The following FOXP2 variants were observed in gnomAD, a reference collection of about 807,000 sequenced individuals.
FOXP2 encodes the protein forkhead box protein P2.
In FOXP2, 12 loss-of-function variants were observed where a neutral mutation model predicts 115.8. The ratio of observed to expected loss-of-function variants is 0.10; its 90% CI spans 0.07 to 0.17. The LOEUF (loss-of-function observed/expected upper bound fraction) is 0.17. Ranked by LOEUF, FOXP2 falls within the 10% of genes least tolerant of loss-of-function variation. The probability of loss-of-function intolerance (pLI) is 1.00; values close to 1 mark genes in which losing one functional copy is unlikely to be tolerated. For missense variants in FOXP2, 629 were observed against 843.5 expected, an observed-to-expected ratio of 0.75 and a Z score of 3.15; for synonymous variants, 328 against 297.7, an observed-to-expected ratio of 1.10 and a Z score of -1.05.
intron 2 of FOXP2, among the ~76,000 whole-genome samples, chr7:114,401,082 G>A (rs1040596992): frequency 2.0e-5 from 3 of 152,074 alleles, no homozygotes; most frequent in Non-Finnish European, 4.4e-5. Context: ...AGAGGGTGAG[G>A]AACGTGATTA....
At chr7:114,686,305 T>G (rs1468093682) in intron 16 of FOXP2, among the ~76,000 whole-genome samples, 1 of 152,046 alleles carries the variant, frequency 6.6e-6, no homozygotes, top group Non-Finnish European at 1.5e-5. Context: ...CCCGAGTAAC[T>G]GGGATTACAG....
At chr7:114,087,828 G>A (rs1322624315) in exon 1 of FOXP2, 1 of 152,072 alleles carries the variant, frequency 6.6e-6, no homozygotes, top group Non-Finnish European at 1.5e-5. Flanking sequence ...TCAGACTCTG[G>A]AATCTCTTAG....
At chr7:114,158,756 C>A (rs1386925422), upstream of FOXP2, among the ~76,000 whole-genome samples, 3 of 152,046 alleles carry the variant, frequency 2.0e-5, no homozygotes, top group Non-Finnish European at 4.4e-5. Flanking sequence ...AAATGAGAGA[C>A]CAGTAACTGA....
intron 1 of FOXP2, among the ~76,000 whole-genome samples, chr7:114,154,985 C>T (rs906506360): frequency 6.6e-6 from 1 of 151,952 alleles, no homozygotes; most frequent in Admixed American, 6.6e-5. Flanking sequence ...CAATCTTGAC[C>T]CAAAGATTAT....
chr7:114,600,229 T>C (rs1056756112), intron 3 of FOXP2, among the ~76,000 whole-genome samples: 32 of 152,156 alleles, frequency 2.1e-4, no homozygotes, highest in African/African-American at 7.7e-4. Context: ...AATATTGCAA[T>C]AGTTTTGCCT....
intron 2 of FOXP2, among the ~76,000 whole-genome samples, chr7:114,476,933 A>G (rs997220142): frequency 6.6e-6 from 1 of 152,036 alleles, no homozygotes; most frequent in Non-Finnish European, 1.5e-5. Flanking sequence ...AAATAACTGA[A>G]AATCAAAACC....
chr7:114,107,119 T>C (rs1317821645), intron 1 of FOXP2, among the ~76,000 whole-genome samples: 2 of 151,982 alleles, frequency 1.3e-5, no homozygotes, highest in Non-Finnish European at 2.9e-5. Flanking sequence ...CAACAGCTGC[T>C]CTCCTGTTCT....
intron 3 of FOXP2, among the ~76,000 whole-genome samples, chr7:114,596,922 A>G (rs1802745319): frequency 6.6e-6 from 1 of 152,060 alleles, no homozygotes; most frequent in African/African-American, 2.4e-5. Flanking sequence ...CCTCAGAGGT[A>G]CTCATTAGTG....
upstream of FOXP2, chr7:114,414,473 G>A (rs1793250862): frequency 1.3e-5 from 2 of 152,526 alleles, no homozygotes; most frequent in Admixed American, 1.3e-4. Context: ...TTACTTTACT[G>A]TAAATATCTT....
At chr7:114,400,228 G>C (rs1016422282) in intron 2 of FOXP2, among the ~76,000 whole-genome samples, 3 of 151,924 alleles carry the variant, frequency 2.0e-5, no homozygotes, top group Admixed American at 2.0e-4. Flanking sequence ...GGTGGGGGAT[G>C]TTATGCAAGA....
intron 1 of FOXP2, among the ~76,000 whole-genome samples, chr7:114,116,875 C>T (rs1482131323): frequency 2.6e-5 from 4 of 152,118 alleles, no homozygotes; most frequent in East Asian, 1.9e-4. Flanking sequence ...TGCCTTTCCA[C>T]ACTACCTGCT....
Position 114,309,788 on chromosome 7 carries a change from C to T in FOXP2, c.-11+21679C>T, listed in dbSNP as rs187174935. Among the ~76,000 whole-genome samples the T allele has an allele frequency of 1.9e-3, 290 of 151,998 alleles. 1 individual carries two copies. Among genetic ancestry groups the T allele is most frequent in the African/African-American group, 6.7e-3 (279 of 41,448 alleles). On this transcript the variant is annotated intron_variant, in intron 2 of 17. Transcript: ENST00000634411. ...TCACGTGATCCTCCAGCTTCAGCCT[C>T]CTAAAGACTGAGACTACAGCCACAT...
intron 2 of FOXP2, among the ~76,000 whole-genome samples, chr7:114,302,671 T>A (rs753736500): frequency 6.6e-6 from 1 of 152,186 alleles, no homozygotes; most frequent in Non-Finnish European, 1.5e-5. Context: ...GGGCAGAACC[T>A]ATGACTTGTT....
In FOXP2 at chr7:114,575,682, A is replaced by G. The variant is rs150269316; in HGVS notation, c.258+40976A>G. On this transcript the variant is annotated intron_variant, in intron 3 of 16. Coordinates refer to ENST00000350908, the MANE Select transcript of FOXP2 (RefSeq NM_014491.4). ...CGTAAGGAAAAGTGATTGTCCCCCAATTGTCTGTATCCAGCTAAAGCACAT... is the reference window on the plus strand; with the variant it reads ...CGTAAGGAAAAGTGATTGTCCCCCAGTTGTCTGTATCCAGCTAAAGCACAT... Among the ~76,000 whole-genome samples, 261 of 151,998 alleles carry G rather than the reference A, an allele frequency of 1.7e-3. 1 individual carries two copies. Among genetic ancestry groups the G allele is most frequent in the African/African-American group, 5.6e-3 (233 of 41,538 alleles).
upstream of FOXP2, among the ~76,000 whole-genome samples, chr7:114,087,283 A>C (rs995343892): frequency 1.3e-5 from 2 of 152,184 alleles, no homozygotes; most frequent in African/African-American, 4.8e-5. Flanking sequence ...CCTGGGCCCT[A>C]CTGACGCTTC....
intron 7 of FOXP2, 48 bp from the exon 8 acceptor site, chr7:114,644,637 G>A (rs780277508): frequency 2.0e-6 from 3 of 1,523,800 alleles, no homozygotes; most frequent in East Asian, 2.3e-5. Context: ...AGCCTGCAAC[G>A]ATTATAGCTT....
intron 2 of FOXP2, chr7:114,499,107 A>G (rs998848504): frequency 7.3e-6 from 4 of 546,680 alleles, no homozygotes; most frequent in African/African-American, 5.7e-5. Context: ...ATTCTGATGC[A>G]TGCTCAAGTT....
chr7:114,332,021 C>A (rs559378972), intron 2 of FOXP2, among the ~76,000 whole-genome samples: 2 of 152,138 alleles, frequency 1.3e-5, no homozygotes, highest in Admixed American at 1.3e-4. Flanking sequence ...AAAAAGCATA[C>A]CCACTTACTA....
intron 2 of FOXP2, among the ~76,000 whole-genome samples, chr7:114,314,324 A>G (rs1435251027): frequency 6.6e-6 from 1 of 151,520 alleles, no homozygotes; most frequent in Non-Finnish European, 1.5e-5. Context: ...TAACTGTAAA[A>G]AGCTGTGTTT....
Sources: gnomAD v4.1 joint callset for allele counts (sites outside exome capture counted in the v4.1 genomes callset) on GRCh38, gnomAD v4.1.1 for gene constraint, MANE v1.5 for transcripts, NCBI Gene and HGNC (gene_info 2026-07-23, HGNC 2026-07-21) for gene names.